Variants in GPC5 observed in about 807,000 individuals in gnomAD.
GPC5 encodes the protein glypican-5.
GPC5 carries 47 observed loss-of-function variants against 53.9 expected under a neutral mutation model. That is an observed-to-expected ratio of 0.87 (90% CI 0.69 to 1.11). The LOEUF (loss-of-function observed/expected upper bound fraction) is 1.11, where lower values mean the gene tolerates loss of function less well. Among genes scored for constraint, GPC5 ranks in the 50% most tolerant of loss-of-function variants. The probability of loss-of-function intolerance (pLI) is 0.00; values close to 1 mark genes in which losing one functional copy is unlikely to be tolerated. For missense variants in GPC5, 748 were observed against 713.1 expected (o/e 1.05, Z -0.56); for synonymous variants, 286 against 263.3 (o/e 1.09, Z -0.84).
intron 2 of GPC5, among the ~76,000 whole-genome samples, chr13:91,484,863 T>C (rs889601000): frequency 6.6e-6 from 1 of 152,218 alleles, no homozygotes; most frequent in African/African-American, 2.4e-5. Flanking sequence ...CTAGATGATT[T>C]TGGATATAGT....
intron 7 of GPC5, among the ~76,000 whole-genome samples, chr13:92,496,970 A>C (rs1464779902): frequency 6.6e-6 from 1 of 152,182 alleles, no homozygotes. Context: ...AAGAGCATTA[A>C]AAAGTTTAAG....
intron 7 of GPC5, among the ~76,000 whole-genome samples, chr13:92,666,597 T>G (rs1455496482): frequency 6.6e-6 from 1 of 152,214 alleles, no homozygotes; most frequent in Non-Finnish European, 1.5e-5. Flanking sequence ...ATATACTTTG[T>G]AAGACAGGCA....
intron 7 of GPC5, among the ~76,000 whole-genome samples, chr13:92,838,862 C>G (rs1037708827): frequency 1.2e-4 from 19 of 152,042 alleles, no homozygotes; most frequent in Non-Finnish European, 2.2e-4. Flanking sequence ...CCTATGAAAA[C>G]AAGTCAAAAA....
intron 4 of GPC5, among the ~76,000 whole-genome samples, chr13:91,740,428 T>C (rs1330525988): frequency 6.6e-6 from 1 of 152,216 alleles, no homozygotes; most frequent in East Asian, 1.9e-4. Context: ...AAAATTTCCT[T>C]ATTCCTGGAT....
At chr13:91,666,223 A>G (rs1038579614) in intron 2 of GPC5, among the ~76,000 whole-genome samples, 1 of 152,218 alleles carries the variant, frequency 6.6e-6, no homozygotes, top group African/African-American at 2.4e-5. Flanking sequence ...GCATGACACC[A>G]TGATCTCTCA....
chr13:92,067,347 G>A (rs957976898), intron 6 of GPC5, among the ~76,000 whole-genome samples: 8 of 152,018 alleles, frequency 5.3e-5, no homozygotes, highest in African/African-American at 1.9e-4. Context: ...GATTGCTTAA[G>A]AATGCAAGCT....
intron 5 of GPC5, among the ~76,000 whole-genome samples, chr13:91,841,907 C>T (rs192695299): frequency 4.1e-4 from 63 of 152,202 alleles, no homozygotes; most frequent in Admixed American, 3.7e-3. Context: ...GTCAACTGGA[C>T]TTAGTAGTGA....
intron 2 of GPC5, among the ~76,000 whole-genome samples, chr13:91,672,472 A>G (rs342682): frequency 0.22 from 33,871 of 152,110 alleles, 5,080 homozygotes; most frequent in African/African-American, 0.43. Flanking sequence ...CGGTCAACAA[A>G]CATATGAAGA....
intron 7 of GPC5, among the ~76,000 whole-genome samples, chr13:92,229,723 A>G (rs1318008861): frequency 6.6e-6 from 1 of 152,048 alleles, no homozygotes; most frequent in Non-Finnish European, 1.5e-5. Flanking sequence ...GGCTTCCAAA[A>G]GTTGCTTTTT....
At chr13:92,059,916 A>T (rs1380694826) in intron 6 of GPC5, 1 of 151,982 alleles carries the variant, frequency 6.6e-6, no homozygotes. Context: ...ATGCCTACGT[A>T]ACATGCCCAC....
rs143103265 is a variant in GPC5, at chr13:91,514,326, A to G, written c.325+65404A>G. ...GCCAACATTTGATGTCACTAATTTTATTCTAGCTAATTTGATAGGTCTACA... is the reference window on the plus strand; with the variant it reads ...GCCAACATTTGATGTCACTAATTTTGTTCTAGCTAATTTGATAGGTCTACA... On this transcript the variant is annotated intron_variant, in intron 2 of 7. Transcript: ENST00000377067. Among the ~76,000 whole-genome samples, 7 of 152,258 alleles carry G rather than the reference A, an allele frequency of 4.6e-5. No individual in the cohort carries two copies. The East Asian group carries it at 1.3e-3, about 29-fold the overall frequency.
At position 91,481,527 on chromosome 13, in the gene GPC5, G is replaced by T. The variant is rs1285869513; in HGVS notation, c.325+32605G>T. On this transcript the variant is annotated intron_variant, in intron 2 of 7. Coordinates refer to ENST00000377067, the MANE Select transcript of GPC5 (RefSeq NM_004466.6). The stretch of plus-strand genomic sequence containing the variant: ...AACCCAATTTACATTAGGGGACTTT[G>T]CTACCATGGGTTTGGGTTAAGGGAG... Among the ~76,000 whole-genome samples the T allele has an allele frequency of 2.6e-5, 4 of 152,288 alleles. No homozygotes were observed. In the East Asian group the frequency reaches 7.7e-4, roughly 29 times the overall value.
Position 92,184,280 on chromosome 13 carries a change from C to G in GPC5, c.1561+39291C>G, listed in dbSNP as rs145268052. Among the ~76,000 whole-genome samples the G allele has an allele frequency of 2.1e-3, 319 of 152,230 alleles. 2 individuals are homozygous for G. Among genetic ancestry groups the G allele is most frequent in the African/African-American group, 7.4e-3 (307 of 41,542 alleles). ...GAGTATAAATTTGAATATCAAACTG[C>G]TCTAGTTGAAGACCTAACCTCCTTC... On this transcript the variant is annotated intron_variant, in intron 7 of 7. Coordinates refer to ENST00000377067, the MANE Select transcript of GPC5 (RefSeq NM_004466.6).
chr13:92,228,693 A>G lies in GPC5; in HGVS notation c.1561+83704A>G, dbSNP rs868862212. Reference sequence around the variant, plus strand: ...TAAAGACATGTCAGAGATAAAAAGCATCACATTTTCTTTTAATTATCATTT... The same window carrying G: ...TAAAGACATGTCAGAGATAAAAAGCGTCACATTTTCTTTTAATTATCATTT... On this transcript the variant is annotated intron_variant, in intron 7 of 7. Transcript: ENST00000377067. Among the ~76,000 whole-genome samples the G allele has an allele frequency of 2.0e-5, 3 of 152,290 alleles. No individual in the cohort carries two copies. The South Asian group carries it at 6.2e-4, about 32-fold the overall frequency.
At chr13:92,233,315 C>T (rs1343273561) in intron 7 of GPC5, among the ~76,000 whole-genome samples, 1 of 152,206 alleles carries the variant, frequency 6.6e-6, no homozygotes, top group African/African-American at 2.4e-5. Flanking sequence ...CATTTTCCTG[C>T]AGTTTTCAGC....
chr13:92,853,147 TAA>T (rs1271223083), intron 7 of GPC5, among the ~76,000 whole-genome samples: 1 of 152,168 alleles, frequency 6.6e-6, no homozygotes, highest in African/African-American at 2.4e-5. Context: ...AATCCAACTT[TAA>T]ACAGAGACTC....
intron 7 of GPC5, among the ~76,000 whole-genome samples, chr13:92,188,280 GA>G (rs2042198588): frequency 6.6e-6 from 1 of 152,154 alleles, no homozygotes; most frequent in Non-Finnish European, 1.5e-5. Flanking sequence ...AGGAGACAGT[GA>G]AAAGACTTAT....
chr13:92,235,803 T>C (rs1302103413), intron 7 of GPC5, among the ~76,000 whole-genome samples: 1 of 152,124 alleles, frequency 6.6e-6, no homozygotes, highest in Admixed American at 6.5e-5. Context: ...AAATACTTTT[T>C]CCCTTGTAGT....
chr13:92,441,269 A>G (rs1441486294), intron 7 of GPC5, among the ~76,000 whole-genome samples: 1 of 152,194 alleles, frequency 6.6e-6, no homozygotes, highest in Non-Finnish European at 1.5e-5. Context: ...GGGTTTCGCC[A>G]TGTTGGCAAG....
Sources: allele counts gnomAD v4.1 joint callset (sites outside exome capture counted in the v4.1 genomes callset), GRCh38; gene constraint gnomAD v4.1.1; transcripts MANE v1.5; gene names NCBI Gene and HGNC (gene_info 2026-07-23, HGNC 2026-07-21).